The following FHL5 variants were observed in gnomAD, a reference collection of about 807,000 sequenced individuals.
FHL5 encodes the protein four and a half LIM domains protein 5.
A neutral mutation model predicts 32.0 loss-of-function variants in FHL5; 33 were observed. The ratio of observed to expected loss-of-function variants is 1.03; its 90% CI spans 0.78 to 1.38. FHL5 has a LOEUF of 1.38. Among genes scored for constraint, FHL5 ranks in the 40% most tolerant of loss-of-function variants. The probability of loss-of-function intolerance (pLI) is 0.00; values close to 1 mark genes in which losing one functional copy is unlikely to be tolerated. For synonymous variants in FHL5, 114 were observed against 113.6 expected (o/e 1.00, Z -0.02); for missense variants, 336 against 343.9 (o/e 0.98, Z 0.18).
chr6:96,606,640 C>T (rs558762818), intron 4 of FHL5, among the ~76,000 whole-genome samples: 45 of 152,182 alleles, frequency 3.0e-4, no homozygotes, highest in Middle Eastern at 3.2e-3. Flanking sequence ...GCATGAGCCA[C>T]CACACTCGGC....
chr6:96,585,142 C>T (rs1246158632), intron 1 of FHL5, among the ~76,000 whole-genome samples: 1 of 152,112 alleles, frequency 6.6e-6, no homozygotes, highest in East Asian at 1.9e-4. Flanking sequence ...GTAGATTAAA[C>T]CTAGATTCTT....
chr6:96,610,576 TAACTTCAGGTGGG>T lies in FHL5; in HGVS notation c.511_523del (p.Thr171Ter), dbSNP rs750562154. ...CTTTTCTGTGGTCTTTGGCAGGTGATAACTTCAGGTGGGATAACATTTTGTGACCAGCTATGGC... is the reference window on the plus strand; with the variant it reads ...CTTTTCTGTGGTCTTTGGCAGGTGATATAACATTTTGTGACCAGCTATGGC... On this transcript the variant is annotated frameshift_variant, in exon 5 of 6. Transcript: ENST00000450218. LOFTEE classifies it high-confidence loss of function. 2 of 1,612,888 alleles carry T rather than the reference TAACTTCAGGTGGG, an allele frequency of 1.2e-6. No individual in the cohort carries two copies. Among genetic ancestry groups the T allele is most frequent in the Admixed American group, 3.3e-5 (2 of 59,990 alleles).
chr6:96,570,786 C>G lies in FHL5; in HGVS notation c.-13+7431C>G, dbSNP rs938020373. ...CTTGATCAAGTCTGCTGCTGAAGCT[C>G]TCTATTGTATTTTATATTTTATTCA... is the stretch of plus-strand genomic sequence containing the variant. On this transcript the variant is annotated intron_variant, in intron 1 of 5. Coordinates refer to ENST00000450218, the MANE Select transcript of FHL5 (RefSeq NM_001322466.2). Among the ~76,000 whole-genome samples, 15 of 152,018 alleles carry G rather than the reference C, an allele frequency of 9.9e-5. No individual in the cohort carries two copies. The South Asian group carries it at 1.7e-3, about 17-fold the overall frequency.
intron 1 of FHL5, among the ~76,000 whole-genome samples, chr6:96,586,275 A>T (rs1198372337): frequency 6.6e-6 from 1 of 152,246 alleles, no homozygotes; most frequent in Non-Finnish European, 1.5e-5. Flanking sequence ...CTTGTTTTTT[A>T]AAAAACATTG....
intron 1 of FHL5, among the ~76,000 whole-genome samples, chr6:96,563,668 T>G (rs1770294586): frequency 1.3e-5 from 2 of 152,156 alleles, no homozygotes; most frequent in Admixed American, 1.3e-4. Context: ...ATAGCTTTAT[T>G]GTTGTAAAAA....
At position 96,615,885 on chromosome 6, in the gene FHL5, A is replaced by G; in HGVS notation, c.*113A>G. 1 of 902,132 alleles carries G rather than the reference A, an allele frequency of 1.1e-6. No individual in the cohort carries two copies. The highest frequency in any genetic ancestry group is 2.8e-5 in the East Asian group (1 of 36,160). The allele number at this position is 902,132 out of a possible 1,614,324, so 55.9% of individuals were successfully genotyped here. A position where few individuals can be genotyped will look rare whatever the true frequency, so the allele number is the denominator to read the frequency against. On this transcript the variant is annotated 3_prime_UTR_variant, in exon 6 of 6. Coordinates refer to ENST00000450218, the MANE Select transcript of FHL5 (RefSeq NM_001322466.2). ...TTTAGAAAATATTCATGTAGTTTAG[A>G]GTGGAAAAGTTTTTGCACACATTTT...
chr6:96,592,755 C>T (rs1770948021), intron 1 of FHL5, among the ~76,000 whole-genome samples: 1 of 152,126 alleles, frequency 6.6e-6, no homozygotes, highest in African/African-American at 2.4e-5. Context: ...GTTCTTCCAC[C>T]ATGGCTTCAG....
At chr6:96,606,960 G>A (rs1771294810) in intron 4 of FHL5, among the ~76,000 whole-genome samples, 2 of 152,078 alleles carry the variant, frequency 1.3e-5, no homozygotes, top group South Asian at 4.2e-4. Context: ...ACAGAAAGAA[G>A]ACTAAGAGCA....
At chr6:96,567,781 C>T (rs1398588041) in intron 1 of FHL5, among the ~76,000 whole-genome samples, 1 of 138,280 alleles carries the variant, frequency 7.2e-6, no homozygotes, top group Non-Finnish European at 1.6e-5. Context: ...TTTTTTTCCA[C>T]TAGTTTGTTT....
At chr6:96,606,482 G>T (rs1771283703) in intron 4 of FHL5, among the ~76,000 whole-genome samples, 1 of 152,060 alleles carries the variant, frequency 6.6e-6, no homozygotes, top group Admixed American at 6.6e-5. Flanking sequence ...CTTCCAAGTA[G>T]CTGGGATTAC....
chr6:96,594,271 A>G (rs67338227), intron 1 of FHL5, among the ~76,000 whole-genome samples: 166 of 72,870 alleles, frequency 2.3e-3, no homozygotes, highest in South Asian at 8.1e-3. Flanking sequence ...ATATATATAT[A>G]TATGTATGTA....
At chr6:96,571,582 G>T (rs1040978776) in intron 1 of FHL5, among the ~76,000 whole-genome samples, 1 of 152,132 alleles carries the variant, frequency 6.6e-6, no homozygotes, top group African/African-American at 2.4e-5. Flanking sequence ...CCTTGTGGCA[G>T]GGTTGGATGT....
At chr6:96,600,843 A>C (rs1771132427) in intron 1 of FHL5, among the ~76,000 whole-genome samples, 1 of 152,098 alleles carries the variant, frequency 6.6e-6, no homozygotes, top group South Asian at 2.1e-4. Context: ...GATAATCCAG[A>C]CTCCTTGAGT....
chr6:96,595,706 T>C (rs1771020758), intron 1 of FHL5, among the ~76,000 whole-genome samples: 1 of 151,976 alleles, frequency 6.6e-6, no homozygotes, highest in Admixed American at 6.5e-5. Flanking sequence ...CAACTGATTC[T>C]AATCTGCATT....
chr6:96,592,143 G>A (rs147102079), intron 1 of FHL5, among the ~76,000 whole-genome samples: 2 of 152,080 alleles, frequency 1.3e-5, no homozygotes, highest in Non-Finnish European at 2.9e-5. Context: ...AAATTTATTA[G>A]GTGGGAATTT....
intron 1 of FHL5, among the ~76,000 whole-genome samples, chr6:96,602,849 T>C (rs940534004): frequency 2.0e-4 from 31 of 152,212 alleles, no homozygotes; most frequent in Non-Finnish European, 7.3e-5. Context: ...TATCTGCACT[T>C]CTGCATCTGG....
intron 1 of FHL5, among the ~76,000 whole-genome samples, chr6:96,572,119 G>A (rs1176638601): frequency 6.6e-6 from 1 of 152,178 alleles, no homozygotes; most frequent in Non-Finnish European, 1.5e-5. Flanking sequence ...AGCTCAGCCA[G>A]AGCACTAATT....
At position 96,610,665 on chromosome 6, in the gene FHL5, C is replaced by G. The variant is rs759944495; in HGVS notation, c.598C>G (p.Gln200Glu). Residue 200 changes from glutamine to glutamate, a missense_variant, in exon 5 of 6, where the codon CAG (glutamine) becomes GAG (glutamate). Transcript: ENST00000450218. ...SGCRKDLCEE[Q>E]FMSRDDYPFC... ...CTGTAGGAAAGATCTCTGTGAAGAA[C>G]AGTTCATGTCCAGAGACGACTATCC... 6.2e-7 allele frequency: 1 copy of G among 1,612,620 alleles called. No homozygotes were observed. Among genetic ancestry groups the G allele is most frequent in the African/African-American group, 1.3e-5 (1 of 74,864 alleles).
chr6:96,580,416 G>A (rs1770675122), intron 1 of FHL5, among the ~76,000 whole-genome samples: 1 of 152,158 alleles, frequency 6.6e-6, no homozygotes, highest in Non-Finnish European at 1.5e-5. Flanking sequence ...ACATTTATAT[G>A]AGAAGGTAGA....
Sources: gnomAD v4.1 joint callset for allele counts (sites outside exome capture counted in the v4.1 genomes callset) on GRCh38, gnomAD v4.1.1 for gene constraint, MANE v1.5 for transcripts, NCBI Gene and HGNC (gene_info 2026-07-23, HGNC 2026-07-21) for gene names.